The following SMIM35 variants were observed in gnomAD, a reference collection of about 807,000 sequenced individuals.
SMIM35 encodes the protein TMPRSS4 antisense RNA 1 (non-protein coding).
In SMIM35 at chr11:118,013,824, C is replaced by T; in HGVS notation, c.215G>A (p.Ser72Asn). Residue 72 changes from serine to asparagine, a missense_variant, in exon 4 of 5, where the codon AGC (serine) becomes AAC (asparagine). Transcript: ENST00000689828. ...PPFTISGHIS[S>N]TDGGYMKFSN... ...GAACTTCATGTAGCCACCATCTGTG[C>T]TGCTGATGTGACCACTGATGGTGAA... is the stretch of plus-strand genomic sequence containing the variant. 5.0e-6 allele frequency: 2 copies of T among 399,110 alleles called. No individual in the cohort carries two copies. The highest frequency in any genetic ancestry group is 1.3e-4 in the South Asian group (1 of 7,862). 24.7% of individuals were successfully genotyped at this position (399,110 alleles called of 1,614,324 possible).
chr11:118,014,056 G>A (rs182467324), intron 3 of SMIM35, among the ~76,000 whole-genome samples, 176 bp from the exon 4 acceptor site: 1 of 152,314 alleles, frequency 6.6e-6, no homozygotes, highest in African/African-American at 2.4e-5. Context: ...CCTGTGGCAA[G>A]TAGATGAGAT....
chr11:118,055,028 T>C (rs1271488161), intron 1 of SMIM35, among the ~76,000 whole-genome samples: 3 of 152,110 alleles, frequency 2.0e-5, no homozygotes, highest in Non-Finnish European at 4.4e-5. Context: ...TGGACTCAAA[T>C]TCCTGACCTC....
intron 1 of SMIM35, among the ~76,000 whole-genome samples, chr11:118,084,175 CAT>C: frequency 6.6e-6 from 1 of 152,292 alleles, no homozygotes. Flanking sequence ...TTCACACACA[CAT>C]GAAACTGAGT....
At chr11:118,038,274 C>T (rs991156811) in intron 1 of SMIM35, among the ~76,000 whole-genome samples, 19 of 152,196 alleles carry the variant, frequency 1.2e-4, no homozygotes, top group African/African-American at 4.6e-4. Flanking sequence ...AACTATAAGA[C>T]ACATTTTCTT....
chr11:118,074,424 G>C (rs1296589843), intron 1 of SMIM35, among the ~76,000 whole-genome samples: 3 of 152,196 alleles, frequency 2.0e-5, no homozygotes, highest in African/African-American at 7.2e-5. Flanking sequence ...GGACAGGGCT[G>C]AGGGAGAGCT....
chr11:118,012,124 T>C (rs886891045), intron 4 of SMIM35, among the ~76,000 whole-genome samples: 1 of 152,204 alleles, frequency 6.6e-6, no homozygotes, highest in Non-Finnish European at 1.5e-5. Flanking sequence ...CTTGCTCTAT[T>C]GGGCTCCTGC....
At chr11:118,007,523 A>G (rs2058128344) in intron 4 of SMIM35, among the ~76,000 whole-genome samples, 1 of 151,734 alleles carries the variant, frequency 6.6e-6, no homozygotes, top group Non-Finnish European at 1.5e-5. Context: ...AGCCTCCCAA[A>G]TAGTGGGGGC....
At chr11:118,048,036 G>T (rs1450426606) in intron 1 of SMIM35, among the ~76,000 whole-genome samples, 2 of 152,142 alleles carry the variant, frequency 1.3e-5, no homozygotes, top group Admixed American at 1.3e-4. Context: ...CCAGAGTGGG[G>T]GTGCATCCGT....
intron 1 of SMIM35, among the ~76,000 whole-genome samples, chr11:118,053,817 G>T (rs545952298): frequency 6.6e-6 from 1 of 152,178 alleles, no homozygotes; most frequent in African/African-American, 2.4e-5. Flanking sequence ...ACAGTGATGT[G>T]GTCTCCACAT....
At chr11:118,011,853 C>A (rs1175332116) in intron 4 of SMIM35, among the ~76,000 whole-genome samples, 2 of 152,128 alleles carry the variant, frequency 1.3e-5, no homozygotes, top group African/African-American at 4.8e-5. Context: ...GTCTCAGAAC[C>A]ACTAAGGGGC....
intron 1 of SMIM35, among the ~76,000 whole-genome samples, chr11:118,063,065 C>T (rs1277261907): frequency 6.6e-6 from 1 of 152,152 alleles, no homozygotes; most frequent in African/African-American, 2.4e-5. Context: ...GGAAGGTATC[C>T]TATTTGGTCT....
At chr11:118,053,981 T>G (rs375756929) in intron 1 of SMIM35, among the ~76,000 whole-genome samples, 4 of 152,126 alleles carry the variant, frequency 2.6e-5, no homozygotes, top group African/African-American at 9.7e-5. Context: ...CACAGGATCG[T>G]TTTTTGTTGT....
intron 1 of SMIM35, chr11:118,025,898 T>G (rs1305870638): frequency 5.3e-6 from 2 of 378,206 alleles, no homozygotes; most frequent in Non-Finnish European, 9.9e-6. Context: ...ATTTTCTAGC[T>G]TTTCTTCTAG....
intron 1 of SMIM35, among the ~76,000 whole-genome samples, chr11:118,065,278 G>A (rs1422779761): frequency 2.0e-5 from 3 of 152,318 alleles, no homozygotes; most frequent in Admixed American, 6.5e-5. Context: ...CTAGAGCACC[G>A]TGAAGAGGTA....
At chr11:118,044,263 C>A (rs1489934601) in intron 1 of SMIM35, among the ~76,000 whole-genome samples, 4 of 149,198 alleles carry the variant, frequency 2.7e-5, no homozygotes, top group Admixed American at 2.0e-4. Flanking sequence ...ATCTATCCAT[C>A]TACTCATATT....
At chr11:118,040,452 G>A (rs766294232) in intron 1 of SMIM35, among the ~76,000 whole-genome samples, 3 of 152,114 alleles carry the variant, frequency 2.0e-5, no homozygotes, top group Non-Finnish European at 4.4e-5. Context: ...AGAGTGATGC[G>A]CAAAGAAAAA....
chr11:118,060,882 C>T (rs1292592925), intron 1 of SMIM35, among the ~76,000 whole-genome samples: 3 of 152,212 alleles, frequency 2.0e-5, no homozygotes, highest in Non-Finnish European at 4.4e-5. Flanking sequence ...CCACCCTGGC[C>T]CCCTTTTAAT....
rs2058115060 is a variant in SMIM35, at chr11:118,005,173, A to G, written c.*1237T>C. On this transcript the variant is annotated 3_prime_UTR_variant, in exon 5 of 5. Transcript: ENST00000689828. Reference sequence around the variant, plus strand: ...TCAGAAGATTGCCTCTATCAGAATTACATGGGAGTATTTGTCTTCCTAAGC... The same window carrying G: ...TCAGAAGATTGCCTCTATCAGAATTGCATGGGAGTATTTGTCTTCCTAAGC... 1 of 152,180 alleles carries G rather than the reference A, an allele frequency of 6.6e-6. No homozygotes were observed. The highest frequency in any genetic ancestry group is 1.5e-5 in the Non-Finnish European group (1 of 68,040). 9.4% of individuals were successfully genotyped at this position (152,180 alleles called of 1,614,324 possible). A position where few individuals can be genotyped will look rare whatever the true frequency, so the allele number is the denominator to read the frequency against.
At chr11:118,043,219 A>G (rs1944034680) in intron 1 of SMIM35, among the ~76,000 whole-genome samples, 1 of 152,260 alleles carries the variant, frequency 6.6e-6, no homozygotes, top group African/African-American at 2.4e-5. Flanking sequence ...CTGTTCACAG[A>G]TAACACAGTC....
Sources: allele counts gnomAD v4.1 joint callset (sites outside exome capture counted in the v4.1 genomes callset), GRCh38; gene constraint gnomAD v4.1.1; transcripts MANE v1.5; gene names NCBI Gene and HGNC (gene_info 2026-07-23, HGNC 2026-07-21).